Variants in XKR9 observed in about 807,000 individuals in gnomAD.
XKR9 encodes XK-related protein 9.
In XKR9, 32 loss-of-function variants were observed where a neutral mutation model predicts 32.0. The observed-to-expected ratio is 1.00, with a 90% CI of 0.76 to 1.34. The LOEUF (loss-of-function observed/expected upper bound fraction) is 1.34. Among genes scored for constraint, XKR9 ranks in the 40% most tolerant of loss-of-function variants. The pLI, the probability that XKR9 is intolerant of heterozygous loss-of-function variation, is 0.00. For missense variants in XKR9, 546 were observed against 429.7 expected, an observed-to-expected ratio of 1.27 and a Z score of -2.39; for synonymous variants, 168 against 143.4, an observed-to-expected ratio of 1.17 and a Z score of -1.22.
chr8:70,692,155 T>G (rs1333303799), intron 3 of XKR9, among the ~76,000 whole-genome samples: 7 of 152,178 alleles, frequency 4.6e-5, no homozygotes, highest in African/African-American at 1.7e-4. Context: ...CTAGGTGTTT[T>G]ATTTTTTATT....
intron 2 of XKR9, among the ~76,000 whole-genome samples, chr8:70,753,703 C>A (rs1458017412): frequency 5.4e-5 from 8 of 149,384 alleles, no homozygotes; most frequent in East Asian, 2.0e-4. Context: ...AGGCCTTTGA[C>A]AAAATTCAAC....
the XKR9 span, among the ~76,000 whole-genome samples, chr8:71,042,295 A>G: frequency 1.3e-5 from 2 of 152,146 alleles, no homozygotes; most frequent in Admixed American, 6.5e-5. Context: ...AGGATAAAGC[A>G]TAAGAGAAGG....
chr8:70,739,151 C>T (rs1473989913), downstream of XKR9, among the ~76,000 whole-genome samples: 2 of 151,898 alleles, frequency 1.3e-5, no homozygotes, highest in Non-Finnish European at 2.9e-5. Context: ...TCTGGGTGCT[C>T]CTGTATTGGG....
the XKR9 span, among the ~76,000 whole-genome samples, chr8:70,895,041 T>G: frequency 1.3e-5 from 2 of 152,160 alleles, no homozygotes; most frequent in African/African-American, 2.4e-5. Flanking sequence ...GGAGCACAGC[T>G]AAGTGCTCCA....
At chr8:70,867,063 T>TA in the XKR9 span, among the ~76,000 whole-genome samples, 1 of 152,166 alleles carries the variant, frequency 6.6e-6, no homozygotes, top group Non-Finnish European at 1.5e-5. Flanking sequence ...GTGTAATTGA[T>TA]ACGGGAAAAA....
the XKR9 span, among the ~76,000 whole-genome samples, chr8:70,888,534 C>T: frequency 1.4e-4 from 21 of 151,662 alleles, no homozygotes; most frequent in Admixed American, 1.4e-3. Flanking sequence ...TTACACAGAC[C>T]CAGACAAAAA....
the XKR9 span, among the ~76,000 whole-genome samples, chr8:70,945,942 G>A: frequency 2.6e-5 from 4 of 152,028 alleles, no homozygotes; most frequent in Non-Finnish European, 5.9e-5. Flanking sequence ...AGAGACCATC[G>A]TGGCCAACAT....
the XKR9 span, among the ~76,000 whole-genome samples, chr8:70,896,983 C>T: frequency 6.6e-6 from 1 of 152,026 alleles, no homozygotes; most frequent in South Asian, 2.1e-4. Context: ...TTCATTCTAA[C>T]CAATTTTTTG....
the XKR9 span, among the ~76,000 whole-genome samples, chr8:70,833,287 T>A: frequency 6.6e-6 from 1 of 152,164 alleles, no homozygotes; most frequent in Non-Finnish European, 1.5e-5. Context: ...ATACTTTCCA[T>A]GGAATTCAGA....
At chr8:70,719,101 C>T (rs1806188853) in intron 4 of XKR9, among the ~76,000 whole-genome samples, 1 of 151,700 alleles carries the variant, frequency 6.6e-6, no homozygotes, top group Non-Finnish European at 1.5e-5. Flanking sequence ...GTTTGTTGGC[C>T]ACATGTCTTC....
chr8:70,818,267 T>A, the XKR9 span, among the ~76,000 whole-genome samples: 1 of 152,100 alleles, frequency 6.6e-6, no homozygotes, highest in African/African-American at 2.4e-5. Context: ...TAAATTCTTA[T>A]AAAGTTCTTC....
At chr8:71,042,611 A>G in the XKR9 span, among the ~76,000 whole-genome samples, 1 of 152,200 alleles carries the variant, frequency 6.6e-6, no homozygotes, top group Non-Finnish European at 1.5e-5. Flanking sequence ...TCAGTATCTT[A>G]AAATAAACAT....
chr8:70,855,152 A>G, the XKR9 span, among the ~76,000 whole-genome samples: 4 of 152,144 alleles, frequency 2.6e-5, no homozygotes, highest in Non-Finnish European at 1.5e-5. Flanking sequence ...AGTTGAGAGA[A>G]GAAGGCTTCA....
At chr8:70,831,856 T>C in the XKR9 span, among the ~76,000 whole-genome samples, 1 of 152,222 alleles carries the variant, frequency 6.6e-6, no homozygotes, top group Non-Finnish European at 1.5e-5. Flanking sequence ...ATTGATGCCA[T>C]GATTGGAACC....
the XKR9 span, among the ~76,000 whole-genome samples, chr8:71,042,806 A>G: frequency 6.6e-6 from 1 of 152,220 alleles, no homozygotes; most frequent in East Asian, 1.9e-4. Context: ...GTCCTTCGTT[A>G]CATGAGCCAT....
the XKR9 span, among the ~76,000 whole-genome samples, chr8:70,803,563 G>A: frequency 1.3e-5 from 2 of 152,190 alleles, no homozygotes; most frequent in Non-Finnish European, 2.9e-5. Context: ...TCTCATCCGT[G>A]TGGGCTGATG....
the XKR9 span, among the ~76,000 whole-genome samples, chr8:71,015,835 A>C: frequency 6.6e-6 from 1 of 152,198 alleles, no homozygotes; most frequent in Admixed American, 6.5e-5. Context: ...TATTCTTTGT[A>C]GACAGGAACT....
At chr8:70,740,256 G>A (rs188080562), downstream of XKR9, among the ~76,000 whole-genome samples, 5 of 151,920 alleles carry the variant, frequency 3.3e-5, no homozygotes, top group Non-Finnish European at 5.9e-5. Context: ...CCAGTTGATC[G>A]CATTGGCTCC....
At chr8:70,972,774 T>G in the XKR9 span, among the ~76,000 whole-genome samples, 1 of 152,192 alleles carries the variant, frequency 6.6e-6, no homozygotes, top group Non-Finnish European at 1.5e-5. Flanking sequence ...TTTATTGACT[T>G]ATGAGTGTTA....
Sources: allele counts gnomAD v4.1 joint callset (sites outside exome capture counted in the v4.1 genomes callset), GRCh38; gene constraint gnomAD v4.1.1; transcripts MANE v1.5; gene names NCBI Gene and HGNC (gene_info 2026-07-23, HGNC 2026-07-21).